LUC7L3: variants seen among roughly 807,000 people sequenced by gnomAD.
The protein encoded by LUC7L3 is luc7-like protein 3.
In LUC7L3, 6 loss-of-function variants were observed where a neutral mutation model predicts 66.8. The observed-to-expected ratio is 0.09, with a 90% CI of 0.05 to 0.18. The LOEUF (loss-of-function observed/expected upper bound fraction) is 0.18, where lower values mean the gene tolerates loss of function less well. Among genes scored for constraint, LUC7L3 ranks in the 10% least tolerant of loss-of-function variants. LUC7L3 has a pLI of 1.00. For synonymous variants in LUC7L3, 160 were observed against 174.7 expected, an observed-to-expected ratio of 0.92 and a Z score of 0.66; for missense variants, 341 against 531.1, an observed-to-expected ratio of 0.64 and a Z score of 3.52.
intron 9 of LUC7L3, 46 bp downstream of exon 9, chr17:50,746,748 C>T (rs761652088): frequency 1.3e-6 from 2 of 1,535,992 alleles, no homozygotes; most frequent in African/African-American, 1.4e-5. Flanking sequence ...TTTTCACACC[C>T]TAATCGCCCC....
intron 1 of LUC7L3, among the ~76,000 whole-genome samples, chr17:50,726,960 G>GTT (rs1969231367): frequency 6.6e-6 from 1 of 151,990 alleles, no homozygotes; most frequent in African/African-American, 2.4e-5. Flanking sequence ...GTTGTGGCCG[G>GTT]TGCTTGTAAT....
chr17:50,725,110 A>C (rs1969087704), intron 1 of LUC7L3, among the ~76,000 whole-genome samples: 1 of 152,120 alleles, frequency 6.6e-6, no homozygotes, highest in African/African-American at 2.4e-5. Context: ...TCATTTATCC[A>C]ACAAAAATGT....
At position 50,751,222 on chromosome 17, in the gene LUC7L3, G is replaced by A; in HGVS notation, c.*561G>A. 3 of 1,423,314 alleles carry A rather than the reference G, an allele frequency of 2.1e-6. No individual in the cohort carries two copies. Among genetic ancestry groups the A allele is most frequent in the Non-Finnish European group, 1.9e-6 (2 of 1,076,382 alleles). The allele number at this position is 1,423,314 out of a possible 1,614,324, so 88.2% of individuals were successfully genotyped here. A position where few individuals can be genotyped will look rare whatever the true frequency, so the allele number is the denominator to read the frequency against. ...TCTAATGCAGTTTGTTCTGTAACTC[G>A]AGAGCCAGTAGCATTGGATTGATGG... On this transcript the variant is annotated 3_prime_UTR_variant, in exon 10 of 10. Transcript: ENST00000505658.
At position 50,741,129 on chromosome 17, in the gene LUC7L3, A is replaced by G. The variant is rs760249136; in HGVS notation, c.234A>G (p.Lys78=). ...KQYEKSSRFM[K]VGYERDFLRY... ...ATGAGAAGAGCTCTCGTTTCATGAAAGTTGGCTATGAGAGAGATTTTTTGC... is the reference window on the plus strand; with the variant it reads ...ATGAGAAGAGCTCTCGTTTCATGAAGGTTGGCTATGAGAGAGATTTTTTGC... The change falls in exon 4 of 10, where the codon AAA becomes AAG. Residue 78 remains lysine, a synonymous_variant. Coordinates refer to ENST00000505658, the MANE Select transcript of LUC7L3 (RefSeq NM_016424.5). The G allele has an allele frequency of 5.0e-6, 8 of 1,614,070 alleles. No individual in the cohort carries two copies. Among genetic ancestry groups the G allele is most frequent in the Non-Finnish European group, 6.8e-6 (8 of 1,180,024 alleles).
intron 1 of LUC7L3, among the ~76,000 whole-genome samples, chr17:50,732,052 G>T (rs1286347915): frequency 1.3e-5 from 2 of 152,144 alleles, no homozygotes; most frequent in Non-Finnish European, 2.9e-5. Context: ...CCCAGACCCA[G>T]GGCTTATATG....
chr17:50,740,165 G>A (rs1410664107), intron 2 of LUC7L3, 141 bp from the exon 3 acceptor site: 2 of 627,554 alleles, frequency 3.2e-6, no homozygotes, highest in Non-Finnish European at 5.5e-6. Context: ...GATTTAGTAG[G>A]ATCAGTTTAG....
chr17:50,740,847 A>G (rs1402446481), intron 3 of LUC7L3, among the ~76,000 whole-genome samples: 1 of 152,120 alleles, frequency 6.6e-6, no homozygotes, highest in African/African-American at 2.4e-5. Context: ...GGCGTGAGCC[A>G]CCATGCCCAG....
chr17:50,743,223 G>A (rs1970460933), intron 5 of LUC7L3, among the ~76,000 whole-genome samples: 1 of 151,032 alleles, frequency 6.6e-6, no homozygotes, highest in African/African-American at 2.4e-5. Flanking sequence ...AAAAAAAACA[G>A]AGTCTCACGT....
chr17:50,742,652 C>T (rs1970423474), intron 5 of LUC7L3, among the ~76,000 whole-genome samples: 2 of 152,198 alleles, frequency 1.3e-5, no homozygotes, highest in African/African-American at 4.8e-5. Context: ...AGCCACTGTG[C>T]CTGGCCCTGG....
chr17:50,727,447 G>A (rs1180900921), intron 1 of LUC7L3, among the ~76,000 whole-genome samples: 1 of 152,122 alleles, frequency 6.6e-6, no homozygotes, highest in Non-Finnish European at 1.5e-5. Context: ...AGTCAACTAA[G>A]AATGGGAATT....
chr17:50,750,476 T>G, intron 9 of LUC7L3, 25 bp from the exon 10 acceptor site: 1 of 1,588,160 alleles, frequency 6.3e-7, no homozygotes, highest in Non-Finnish European at 8.6e-7. Context: ...TTAAAATCCA[T>G]GGTCAATGTC....
intron 1 of LUC7L3, among the ~76,000 whole-genome samples, chr17:50,730,022 C>G (rs1387182377): frequency 6.7e-6 from 1 of 149,438 alleles, no homozygotes; most frequent in Non-Finnish European, 1.5e-5. Flanking sequence ...GGCACAATCT[C>G]AGCTCACTGC....
At chr17:50,734,063 C>T (rs1484108322) in intron 1 of LUC7L3, among the ~76,000 whole-genome samples, 1 of 152,064 alleles carries the variant, frequency 6.6e-6, no homozygotes, top group African/African-American at 2.4e-5. Context: ...AGTGGAACTT[C>T]AGAAATAATT....
intron 1 of LUC7L3, among the ~76,000 whole-genome samples, chr17:50,736,408 T>C (rs1969987194): frequency 6.6e-6 from 1 of 152,114 alleles, no homozygotes. Context: ...ACCTGGGCAA[T>C]GTAGCAAGTC....
intron 3 of LUC7L3, 46 bp downstream of exon 3, chr17:50,740,391 G>C (rs1433117987): frequency 1.3e-6 from 2 of 1,536,934 alleles, no homozygotes; most frequent in South Asian, 2.3e-5. Flanking sequence ...TTATTAGTTG[G>C]TTTAAGTGGG....
chr17:50,721,874 T>C (rs552740105), intron 1 of LUC7L3, among the ~76,000 whole-genome samples: 1 of 152,158 alleles, frequency 6.6e-6, no homozygotes, highest in East Asian at 1.9e-4. Flanking sequence ...TTGCATTAAA[T>C]GGAAGAAGCC....
chr17:50,755,711 G>C lies in LUC7L3; in HGVS notation c.*5050G>C, dbSNP rs774542361. The C allele has an allele frequency of 2.0e-5, 3 of 152,120 alleles. No homozygotes were observed. The highest frequency in any genetic ancestry group is 3.2e-3 in the Middle Eastern group (1 of 316). 9.4% of individuals were successfully genotyped at this position (152,120 alleles called of 1,614,324 possible). ...ACCTCTCTCGTAGCCATTCATTCCC[G>C]GATACATACCCTAGAGAAACTCTTA... On this transcript the variant is annotated 3_prime_UTR_variant, in exon 10 of 10. Transcript: ENST00000505658.
chr17:50,729,899 TATATATATATATATATATA>T (rs1567860451), intron 1 of LUC7L3, among the ~76,000 whole-genome samples: 316 of 14,260 alleles, frequency 0.022, 9 homozygotes, highest in African/African-American at 0.034. Flanking sequence ...AAATACATTA[TATATATATATATATATATA>T]TATATATATA....
intron 2 of LUC7L3, 145 bp from the exon 3 acceptor site, chr17:50,740,161 G>A (rs989428706): frequency 5.7e-5 from 35 of 616,952 alleles, no homozygotes; most frequent in Admixed American, 1.3e-4. Flanking sequence ...TCATGATTTA[G>A]TAGGATCAGT....
Sources: gnomAD v4.1 joint callset for allele counts (sites outside exome capture counted in the v4.1 genomes callset) on GRCh38, gnomAD v4.1.1 for gene constraint, MANE v1.5 for transcripts, NCBI Gene and HGNC (gene_info 2026-07-23, HGNC 2026-07-21) for gene names.